Variants in LIN54 observed in about 807,000 individuals in gnomAD.
LIN54 encodes the protein lin-54 DREAM MuvB core complex component, also known as protein lin-54 homolog.
Under a neutral mutation model 78.7 loss-of-function variants are expected in LIN54, and 9 were observed. That is an observed-to-expected ratio of 0.11 (90% CI 0.07 to 0.20). The LOEUF is 0.20. Ranked by LOEUF, LIN54 falls within the 10% of genes least tolerant of loss-of-function variation. LIN54 has a pLI of 1.00. For synonymous variants in LIN54, 269 were observed against 318.4 expected, an observed-to-expected ratio of 0.84 and a Z score of 1.65; for missense variants, 573 against 889.9, an observed-to-expected ratio of 0.64 and a Z score of 4.53.
chr4:82,952,570 G>T (rs944369442), intron 4 of LIN54, among the ~76,000 whole-genome samples: 1 of 152,150 alleles, frequency 6.6e-6, no homozygotes, highest in African/African-American at 2.4e-5. Flanking sequence ...AGTAAGAACA[G>T]AATTACCATA....
chr4:82,962,894 G>A (rs1724918281), intron 4 of LIN54, among the ~76,000 whole-genome samples: 1 of 151,772 alleles, frequency 6.6e-6, no homozygotes, highest in Admixed American at 6.6e-5. Context: ...CTTAAAATGA[G>A]AAGATCAAAG....
intron 5 of LIN54, among the ~76,000 whole-genome samples, chr4:82,942,667 G>A (rs11932825): frequency 0.54 from 81,279 of 151,896 alleles, 23,742 homozygotes; most frequent in East Asian, 0.78. Flanking sequence ...GCTCCTGGGA[G>A]AGATGACAGT....
intron 5 of LIN54, among the ~76,000 whole-genome samples, chr4:82,942,452 T>TCCTGTATGAAA (rs1373863323): frequency 6.6e-6 from 1 of 152,192 alleles, no homozygotes; most frequent in Admixed American, 6.5e-5. Flanking sequence ...AAGACTCTTT[T>TCCTGTATGAAA]CCTGTATGAA....
At chr4:82,957,557 A>T (rs1724431863) in intron 4 of LIN54, among the ~76,000 whole-genome samples, 1 of 152,096 alleles carries the variant, frequency 6.6e-6, no homozygotes, top group South Asian at 2.1e-4. Flanking sequence ...TCATATTTCC[A>T]ATCAGAGTAG....
rs1213655680 is a variant in LIN54 at position 82,924,970 on chromosome 4, T to C, written c.*3132A>G. The C allele has an allele frequency of 6.6e-6, 1 of 152,638 alleles. No homozygotes were observed. The highest frequency in any genetic ancestry group is 2.4e-5 in the African/African-American group (1 of 41,454). 9.5% of individuals were successfully genotyped at this position (152,638 alleles called of 1,614,324 possible). A position where few individuals can be genotyped will look rare whatever the true frequency, so the allele number is the denominator to read the frequency against. On this transcript the variant is annotated 3_prime_UTR_variant, in exon 13 of 13. Transcript: ENST00000340417. Reference sequence around the variant, plus strand: ...TACAGAACAATAAAAATAGATAACTTTTCTAAAATTATTTTTATTCACATT... The same window carrying C: ...TACAGAACAATAAAAATAGATAACTCTTCTAAAATTATTTTTATTCACATT...
At chr4:82,982,732 A>G (rs530160647) in intron 2 of LIN54, among the ~76,000 whole-genome samples, 45 of 152,332 alleles carry the variant, frequency 3.0e-4, no homozygotes, top group African/African-American at 1.1e-3. Context: ...AAAGAGCACT[A>G]AATGTTTAAT....
rs540296501 is a variant in LIN54 at position 83,004,242 on chromosome 4, C to G, written c.-33+6242G>C. 4.0e-5 allele frequency among the ~76,000 whole-genome samples: 6 copies of G among 151,090 alleles called. No individual in the cohort carries two copies. In the South Asian group the frequency reaches 1.3e-3, roughly 32 times the overall value. On this transcript the variant is annotated intron_variant, in intron 1 of 12. Coordinates refer to ENST00000340417, the MANE Select transcript of LIN54 (RefSeq NM_194282.4). ...GACACCCCGTCTCTACTAAAAATAC[C>G]AAAAAAATTAGCTGGGAGTGGTGGT...
chr4:82,951,480 C>G (rs1378788218), intron 4 of LIN54, among the ~76,000 whole-genome samples: 1 of 152,138 alleles, frequency 6.6e-6, no homozygotes, highest in South Asian at 2.1e-4. Flanking sequence ...GTATCAGGAC[C>G]AGAAACCAGC....
rs1721367272 is a variant in LIN54 at position 82,925,189 on chromosome 4, A to AAGAC, written c.*2909_*2912dup. On this transcript the variant is annotated 3_prime_UTR_variant, in exon 13 of 13. Coordinates refer to ENST00000340417, the MANE Select transcript of LIN54 (RefSeq NM_194282.4). ...CTATCATAAGAACATTTCACATTAA[A>AAGAC]AGACAGAGTAGATTGATTTTCTAGG... 6.5e-6 allele frequency: 1 copy of AAGAC among 152,684 alleles called. No homozygotes were observed. The highest frequency in any genetic ancestry group is 1.5e-5 in the Non-Finnish European group (1 of 68,002). 9.5% of individuals were successfully genotyped at this position (152,684 alleles called of 1,614,324 possible).
chr4:82,942,224 G>A (rs1340345832), intron 5 of LIN54, among the ~76,000 whole-genome samples: 2 of 152,116 alleles, frequency 1.3e-5, no homozygotes, highest in South Asian at 2.1e-4. Flanking sequence ...CTTAGAGTAG[G>A]CACTCTGATT....
At chr4:82,979,027 T>A in intron 2 of LIN54, 21 bp from the exon 3 acceptor site, 1 of 1,527,796 alleles carries the variant, frequency 6.5e-7, no homozygotes, top group Non-Finnish European at 8.9e-7. Flanking sequence ...TAAATAACTA[T>A]GAAGACCATC....
chr4:82,935,216 T>A (rs1306944026), intron 11 of LIN54, among the ~76,000 whole-genome samples: 5 of 150,694 alleles, frequency 3.3e-5, no homozygotes, highest in African/African-American at 1.2e-4. Flanking sequence ...AGATAATCCT[T>A]TAATTTCCAG....
chr4:82,945,402 G>C (rs917558308), intron 5 of LIN54, among the ~76,000 whole-genome samples: 1 of 152,166 alleles, frequency 6.6e-6, no homozygotes, highest in Non-Finnish European at 1.5e-5. Context: ...ATATCAGGTG[G>C]TAAGAAGGGT....
chr4:83,009,939 T>G (rs1244598841), intron 1 of LIN54, among the ~76,000 whole-genome samples: 1 of 152,202 alleles, frequency 6.6e-6, no homozygotes, highest in Non-Finnish European at 1.5e-5. Context: ...AGCATGAGTA[T>G]AAAATATAAC....
chr4:82,936,200 T>G lies in LIN54; in HGVS notation c.1707+79A>C. 4 of 1,558,908 alleles carry G rather than the reference T, an allele frequency of 2.6e-6. No individual in the cohort carries two copies. The East Asian group carries it at 9.0e-5, about 35-fold the overall frequency. On this transcript the variant is annotated intron_variant, in intron 10 of 12. Transcript: ENST00000340417. ...CACTGCAAAAGGAATTGATAACGTT[T>G]CTTTGCAAGACAATTGAGTTTTATA...
At chr4:83,002,497 A>G (rs1222318077) in intron 1 of LIN54, among the ~76,000 whole-genome samples, 1 of 151,656 alleles carries the variant, frequency 6.6e-6, no homozygotes, top group African/African-American at 2.4e-5. Context: ...GAGGCAGGGG[A>G]AAAAAAGTTA....
At chr4:82,952,906 A>T (rs1284112600) in intron 4 of LIN54, among the ~76,000 whole-genome samples, 4 of 152,252 alleles carry the variant, frequency 2.6e-5, no homozygotes, top group Non-Finnish European at 5.9e-5. Flanking sequence ...ATGAAGTATT[A>T]TAGTCAAAAT....
In LIN54 at chr4:82,978,796, C is replaced by T. The variant is rs560402076; in HGVS notation, c.808+87G>A. The T allele has an allele frequency of 1.2e-4, 98 of 827,786 alleles. No individual in the cohort carries two copies. The East Asian group carries it at 2.6e-3, about 22-fold the overall frequency. 51.3% of individuals were successfully genotyped at this position (827,786 alleles called of 1,614,324 possible). ...ATAATAATAAGCTATATTTGTTACA[C>T]TAAAACATTTTAAGTTGGCAGAACA... On this transcript the variant is annotated intron_variant, in intron 3 of 12. Transcript: ENST00000340417.
Position 82,924,964 on chromosome 4 carries a change from A to G in LIN54, c.*3138T>C, listed in dbSNP as rs1478681511. On this transcript the variant is annotated 3_prime_UTR_variant, in exon 13 of 13. Transcript: ENST00000340417. ...TTGTGTTACAGAACAATAAAAATAG[A>G]TAACTTTTCTAAAATTATTTTTATT... is the stretch of plus-strand genomic sequence containing the variant. The G allele has an allele frequency of 6.5e-6, 1 of 152,682 alleles. No homozygotes were observed. The highest frequency in any genetic ancestry group is 1.5e-5 in the Non-Finnish European group (1 of 68,054). 9.5% of individuals were successfully genotyped at this position (152,682 alleles called of 1,614,324 possible).
Sources: allele counts gnomAD v4.1 joint callset (sites outside exome capture counted in the v4.1 genomes callset), GRCh38; gene constraint gnomAD v4.1.1; transcripts MANE v1.5; gene names NCBI Gene and HGNC (gene_info 2026-07-23, HGNC 2026-07-21).